MGMT: variants seen among roughly 807,000 people sequenced by gnomAD.
MGMT encodes the protein methylated-DNA--protein-cysteine methyltransferase.
MGMT carries 14 observed loss-of-function variants against 15.9 expected under a neutral mutation model. The observed-to-expected ratio is 0.88, with a 90% CI of 0.58 to 1.37. The LOEUF (loss-of-function observed/expected upper bound fraction) is 1.37. Among genes scored for constraint, MGMT ranks in the 40% most tolerant of loss-of-function variants. The pLI, the probability that MGMT is intolerant of heterozygous loss-of-function variation, is 0.00. For synonymous variants in MGMT, 130 were observed against 118.2 expected (o/e 1.10, Z -0.65); for missense variants, 282 against 268.1 (o/e 1.05, Z -0.36).
chr10:129,758,485 G>A (rs1393803948), intron 3 of MGMT, among the ~76,000 whole-genome samples: 7 of 152,178 alleles, frequency 4.6e-5, no homozygotes, highest in Admixed American at 1.3e-4. Context: ...CCACTCCCAG[G>A]TAACAGTTCT....
chr10:129,467,271 T>C lies in MGMT; in HGVS notation c.-38T>C. On this transcript the variant is annotated 5_prime_UTR_variant, in exon 1 of 5. Transcript: ENST00000651593. ...TTTGCGTCCCGACGCCCGCAGGTCC[T>C]CGCGGTGCGCACCGTTTGCGACTTG... is the stretch of plus-strand genomic sequence containing the variant. 1 of 1,538,118 alleles carries C rather than the reference T, an allele frequency of 6.5e-7. No individual in the cohort carries two copies. The highest frequency in any genetic ancestry group is 8.8e-7 in the Non-Finnish European group (1 of 1,141,566).
intron 3 of MGMT, among the ~76,000 whole-genome samples, chr10:129,708,697 A>T (rs900507980): frequency 6.6e-6 from 1 of 152,210 alleles, no homozygotes; most frequent in Non-Finnish European, 1.5e-5. Context: ...GACACATGCC[A>T]GAAATTTATT....
At chr10:129,646,266 G>A (rs1223083438) in intron 2 of MGMT, among the ~76,000 whole-genome samples, 1 of 152,098 alleles carries the variant, frequency 6.6e-6, no homozygotes, top group Non-Finnish European at 1.5e-5. Context: ...GTTGGAAGAA[G>A]TAGCCGAGAC....
At position 129,768,456 on chromosome 10, in the gene MGMT, C is replaced by T. The variant is rs983602940; in HGVS notation, c.*1459C>T. Among the ~76,000 whole-genome samples, 27 of 152,210 alleles carry T rather than the reference C, an allele frequency of 1.8e-4. 1 individual carries two copies. The highest frequency in any genetic ancestry group is 1.5e-3 in the Admixed American group (23 of 15,286). On this transcript the variant is annotated 3_prime_UTR_variant, in exon 5 of 5. Transcript: ENST00000651593. ...CTTGCTCCTGGCAGGCCTCAGGTGC[C>T]GCACGCCGCGTCACCGTCAGGACTC...
chr10:129,626,667 C>G (rs910355559), intron 2 of MGMT, among the ~76,000 whole-genome samples: 9 of 152,142 alleles, frequency 5.9e-5, no homozygotes, highest in Non-Finnish European at 1.3e-4. Context: ...ATGTTGGAGA[C>G]GACAGGCTCC....
At chr10:129,739,273 G>T (rs751875029) in intron 3 of MGMT, among the ~76,000 whole-genome samples, 1 of 152,138 alleles carries the variant, frequency 6.6e-6, no homozygotes, top group African/African-American at 2.4e-5. Context: ...CACCACTCCT[G>T]TTCAACATAC....
At chr10:129,687,472 T>TC in intron 2 of MGMT, among the ~76,000 whole-genome samples, 1 of 152,294 alleles carries the variant, frequency 6.6e-6, no homozygotes, top group South Asian at 2.1e-4. Context: ...AGAAGAGGGT[T>TC]GCTGTTTTTA....
chr10:129,610,731 G>A (rs1479503480), intron 2 of MGMT, among the ~76,000 whole-genome samples: 3 of 152,316 alleles, frequency 2.0e-5, no homozygotes, highest in East Asian at 3.9e-4. Flanking sequence ...AGTCTGACCT[G>A]CAAATCTAAA....
chr10:129,759,344 G>A lies in MGMT; in HGVS notation c.414+3G>A, dbSNP rs142184485. On this transcript the variant is annotated splice_donor_region_variant and intron_variant, in intron 4 of 4. Transcript: ENST00000651593. The stretch of plus-strand genomic sequence containing the variant: ...GAGGAGCAATGAGAGGCAATCCTGT[G>A]AGTTCTCATGGCGCAAGCATGGCTG... 51 of 1,614,188 alleles carry A rather than the reference G, an allele frequency of 3.2e-5. No homozygotes were observed. The African/African-American group carries it at 6.7e-4, about 21-fold the overall frequency.
At chr10:129,653,538 G>T (rs1252178568) in intron 2 of MGMT, among the ~76,000 whole-genome samples, 1 of 152,210 alleles carries the variant, frequency 6.6e-6, no homozygotes, top group African/African-American at 2.4e-5. Flanking sequence ...GTGTGGGAGG[G>T]GTAACGCCTG....
At chr10:129,674,494 C>T (rs552237594) in intron 2 of MGMT, among the ~76,000 whole-genome samples, 118 of 152,322 alleles carry the variant, frequency 7.7e-4, no homozygotes, top group Non-Finnish European at 1.2e-3. Flanking sequence ...TTCCTGACCT[C>T]TTAATGGCCA....
rs1347364109 is a variant in MGMT at position 129,770,472 on chromosome 10, G to A, written c.*3475G>A. Among the ~76,000 whole-genome samples, 1 of 152,198 alleles carries A rather than the reference G, an allele frequency of 6.6e-6. No homozygotes were observed. Among genetic ancestry groups the A allele is most frequent in the Non-Finnish European group, 1.5e-5 (1 of 68,032 alleles). On this transcript the variant is annotated 3_prime_UTR_variant, in exon 5 of 5. Coordinates refer to ENST00000651593, the MANE Select transcript of MGMT (RefSeq NM_002412.5). Reference sequence around the variant, plus strand: ...AGGACAGAACAGCCCTGGGGGCCACGTCCCCTCCCGGTCTCATCTGCCGCT... The same window carrying A: ...AGGACAGAACAGCCCTGGGGGCCACATCCCCTCCCGGTCTCATCTGCCGCT...
chr10:129,662,132 A>T (rs1054808033), intron 2 of MGMT, among the ~76,000 whole-genome samples: 2 of 152,082 alleles, frequency 1.3e-5, no homozygotes, highest in Admixed American at 1.3e-4. Context: ...GGGACACGGG[A>T]GGCAGAATCA....
intron 1 of MGMT, among the ~76,000 whole-genome samples, chr10:129,526,732 G>A (rs1235964880): frequency 6.6e-6 from 1 of 152,170 alleles, no homozygotes; most frequent in East Asian, 1.9e-4. Flanking sequence ...ACACAGAGCT[G>A]CAAAGATGGT....
intron 1 of MGMT, among the ~76,000 whole-genome samples, chr10:129,476,532 G>A (rs1171421288): frequency 6.6e-6 from 1 of 152,112 alleles, no homozygotes; most frequent in East Asian, 1.9e-4. Flanking sequence ...GGAATCCCAT[G>A]GCTCCTGGGG....
At chr10:129,521,463 CT>C (rs1190118150) in intron 1 of MGMT, among the ~76,000 whole-genome samples, 1 of 152,166 alleles carries the variant, frequency 6.6e-6, no homozygotes, top group Non-Finnish European at 1.5e-5. Context: ...CTTCAGTGAC[CT>C]CATGTAAGAA....
At chr10:129,543,698 A>T (rs962700269) in intron 2 of MGMT, among the ~76,000 whole-genome samples, 1 of 152,178 alleles carries the variant, frequency 6.6e-6, no homozygotes, top group African/African-American at 2.4e-5. Flanking sequence ...AGAAAAAAAA[A>T]AGCAATGCAA....
In MGMT at chr10:129,769,919, C is replaced by G. The variant is rs187736841; in HGVS notation, c.*2922C>G. ...AACTTAGGGGCATGAATTTGCACTTCCAGATGTGAAGGTTGCAGGCACCGG... is the reference window on the plus strand; with the variant it reads ...AACTTAGGGGCATGAATTTGCACTTGCAGATGTGAAGGTTGCAGGCACCGG... On this transcript the variant is annotated 3_prime_UTR_variant, in exon 5 of 5. Transcript: ENST00000651593. 8.7e-4 allele frequency among the ~76,000 whole-genome samples: 132 copies of G among 152,252 alleles called. No homozygotes were observed. Among genetic ancestry groups the G allele is most frequent in the Admixed American group, 1.6e-3 (24 of 15,304 alleles).
chr10:129,712,458 G>A (rs1848243430), intron 3 of MGMT, among the ~76,000 whole-genome samples: 1 of 152,222 alleles, frequency 6.6e-6, no homozygotes, highest in Non-Finnish European at 1.5e-5. Context: ...CCTGCTGGTA[G>A]AAGTAAGTTT....
Sources: allele counts gnomAD v4.1 joint callset (sites outside exome capture counted in the v4.1 genomes callset), GRCh38; gene constraint gnomAD v4.1.1; transcripts MANE v1.5; gene names NCBI Gene and HGNC (gene_info 2026-07-23, HGNC 2026-07-21).